The following TMC7 variants were observed in gnomAD, a reference collection of about 807,000 sequenced individuals.
TMC7 encodes transmembrane channel like 7.
In TMC7, 54 loss-of-function variants were observed where a neutral mutation model predicts 82.9. The observed-to-expected ratio is 0.65, with a 90% CI of 0.52 to 0.82. TMC7 has a LOEUF of 0.82. TMC7 is among the 40% of genes least tolerant of loss of function. The probability of loss-of-function intolerance (pLI) is 0.00; values close to 1 mark genes in which losing one functional copy is unlikely to be tolerated. For synonymous variants in TMC7, 350 were observed against 337.9 expected, an observed-to-expected ratio of 1.04 and a Z score of -0.39; for missense variants, 820 against 901.2, an observed-to-expected ratio of 0.91 and a Z score of 1.15.
Position 18,988,064 on chromosome 16 carries a change from C to G in TMC7, c.67+3934C>G, listed in dbSNP as rs201464488. On this transcript the variant is annotated intron_variant, in intron 1 of 15. Transcript: ENST00000304381. ...TCCTTCTGCAGTCTCAAACTCCTAG[C>G]CTTGATTGATCCTCCTGCCTTGGCC... 9.9e-5 allele frequency among the ~76,000 whole-genome samples: 15 copies of G among 152,148 alleles called. No homozygotes were observed. The East Asian group carries it at 2.9e-3, about 29-fold the overall frequency.
intron 3 of TMC7, among the ~76,000 whole-genome samples, chr16:19,021,382 A>G (rs530025095): frequency 6.6e-5 from 10 of 152,338 alleles, no homozygotes; most frequent in Admixed American, 6.5e-4. Flanking sequence ...TAAGGAAAAG[A>G]TAAATATTGA....
Position 19,016,563 on chromosome 16 carries a change from T to A in TMC7, c.425T>A (p.Leu142Gln), listed in dbSNP as rs375541654. The change falls in exon 3 of 16, where the codon CTG (leucine) becomes CAG (glutamine). Residue 142 changes from leucine (L) to glutamine (Q), a missense_variant. This residue lies in a region of TMC7 where 650 missense variants were observed against 669.9 expected (regional missense o/e 0.97). Coordinates refer to ENST00000304381, the MANE Select transcript of TMC7 (RefSeq NM_024847.4). The stretch of plus-strand genomic sequence containing the variant: ...AAGGCTCGAGAGATGACGACCCACC[T>A]GGAGCTGTGGCGGGAGGACATCCGC... ...LEKAREMTTH[L>Q]ELWREDIRSI... The A allele has an allele frequency of 1.1e-4, 184 of 1,613,922 alleles. No homozygotes were observed. Among genetic ancestry groups the A allele is most frequent in the Non-Finnish European group, 1.5e-4 (178 of 1,180,022 alleles).
At chr16:18,990,702 G>T (rs114285899) in intron 1 of TMC7, among the ~76,000 whole-genome samples, 1,530 of 152,226 alleles carry the variant, frequency 0.01, 28 homozygotes, top group African/African-American at 0.035. Flanking sequence ...ATGTTTTCGG[G>T]GCAGGAGGTG....
intron 3 of TMC7, 29 bp downstream of exon 3, chr16:19,016,627 C>A: frequency 1.2e-6 from 2 of 1,607,248 alleles, no homozygotes; most frequent in Non-Finnish European, 1.7e-6. Flanking sequence ...TCTGCAGGCT[C>A]CTCCGCAGAA....
intron 8 of TMC7, among the ~76,000 whole-genome samples, chr16:19,039,991 C>T (rs1960933859): frequency 6.6e-6 from 1 of 151,616 alleles, no homozygotes; most frequent in Non-Finnish European, 1.5e-5. Context: ...TGGGGGGTGC[C>T]TGTAGTCCCA....
At chr16:19,040,508 C>G in intron 9 of TMC7, 62 bp downstream of exon 9, 1 of 1,470,922 alleles carries the variant, frequency 6.8e-7, no homozygotes, top group Non-Finnish European at 9.3e-7. Context: ...CACTCTCTTG[C>G]CCATGGCAGA....
chr16:18,989,052 C>CAA (rs11351746), intron 1 of TMC7, among the ~76,000 whole-genome samples: 2 of 111,050 alleles, frequency 1.8e-5, no homozygotes, highest in Non-Finnish European at 1.9e-5. Context: ...GACTCTGTCT[C>CAA]AAAAAAAAAA....
At chr16:18,994,635 G>C (rs1411168664) in intron 1 of TMC7, among the ~76,000 whole-genome samples, 1 of 152,056 alleles carries the variant, frequency 6.6e-6, no homozygotes, top group African/African-American at 2.4e-5. Flanking sequence ...ATCTAGAACA[G>C]AATGGGTTGT....
chr16:19,059,648 G>T lies in TMC7; in HGVS notation c.2106+154G>T, dbSNP rs2142325710. The T allele has an allele frequency of 3.9e-6, 6 of 1,552,258 alleles. No individual in the cohort carries two copies. In the East Asian group the frequency reaches 1.4e-4, roughly 37 times the overall value. ...CTGCCTTGAGGCCCAGCCGCGTCCAGCTTCATTAATTCACTGATTCATCCA... is the reference window on the plus strand; with the variant it reads ...CTGCCTTGAGGCCCAGCCGCGTCCATCTTCATTAATTCACTGATTCATCCA... On this transcript the variant is annotated intron_variant, in intron 15 of 15. Transcript: ENST00000304381.
intron 1 of TMC7, among the ~76,000 whole-genome samples, chr16:19,007,082 C>T (rs2142164596): frequency 6.6e-6 from 1 of 152,028 alleles, no homozygotes. Flanking sequence ...GCCTCGGCCT[C>T]CCAAAATGCT....
At chr16:18,998,492 C>T (rs573810714) in intron 1 of TMC7, among the ~76,000 whole-genome samples, 5 of 152,272 alleles carry the variant, frequency 3.3e-5, no homozygotes, top group African/African-American at 9.6e-5. Flanking sequence ...CGGTGGCTCA[C>T]GCCTGTAATC....
chr16:19,035,880 G>A, intron 7 of TMC7, 57 bp downstream of exon 7: 3 of 1,516,826 alleles, frequency 2.0e-6, no homozygotes, highest in East Asian at 2.3e-5. Flanking sequence ...TCCTGCCTTT[G>A]GAGCCTGAGT....
rs1491412940 is a variant in TMC7, at chr16:19,063,671, T to TG, written c.*1828_*1829insG. 5 of 114,826 alleles carry TG rather than the reference T, an allele frequency of 4.4e-5. No individual in the cohort carries two copies. The highest frequency in any genetic ancestry group is 8.0e-5 in the African/African-American group (3 of 37,318). The allele number at this position is 114,826 out of a possible 1,614,324, so 7.1% of individuals were successfully genotyped here. ...GACTTGATGATATTCAAGTTTTCTATTTGTGTGTGTGTGTGTGTGTGTGTG... is the reference window on the plus strand; with the variant it reads ...GACTTGATGATATTCAAGTTTTCTATGTTGTGTGTGTGTGTGTGTGTGTGTG... On this transcript the variant is annotated 3_prime_UTR_variant, in exon 16 of 16. Coordinates refer to ENST00000304381, the MANE Select transcript of TMC7 (RefSeq NM_024847.4).
intron 2 of TMC7, among the ~76,000 whole-genome samples, chr16:19,010,035 C>T (rs1226152857): frequency 6.8e-6 from 1 of 146,768 alleles, no homozygotes; most frequent in East Asian, 2.0e-4. Flanking sequence ...CCCTCCCTCC[C>T]TCCTTTCTTT....
chr16:19,024,770 GC>G lies in TMC7; in HGVS notation c.711+1577del, dbSNP rs1277408013. Among the ~76,000 whole-genome samples the G allele has an allele frequency of 3.9e-5, 6 of 152,188 alleles. No individual in the cohort carries two copies. In the South Asian group the frequency reaches 1.0e-3, roughly 26 times the overall value. ...ACCTGTAATCCCAGCACTTTGGGAG[GC>G]CGAGGTGGGTGGGTCACAAGGTCAG... On this transcript the variant is annotated intron_variant, in intron 5 of 15. Transcript: ENST00000304381.
intron 1 of TMC7, among the ~76,000 whole-genome samples, chr16:19,005,703 G>A (rs2039227784): frequency 6.6e-6 from 1 of 152,154 alleles, no homozygotes; most frequent in African/African-American, 2.4e-5. Flanking sequence ...TTTGTTTGTG[G>A]CTAATAATAG....
intron 1 of TMC7, among the ~76,000 whole-genome samples, chr16:19,007,034 A>G (rs554271024): frequency 6.6e-6 from 1 of 150,548 alleles, no homozygotes; most frequent in Non-Finnish European, 1.5e-5. Context: ...CATGTTGGCC[A>G]GGCTGGTCTT....
chr16:19,036,822 T>A (rs929003363), intron 7 of TMC7, among the ~76,000 whole-genome samples: 2 of 151,736 alleles, frequency 1.3e-5, no homozygotes, highest in African/African-American at 2.4e-5. Context: ...AGGGGACAAA[T>A]AAATCAAAAG....
At chr16:19,008,811 T>C (rs1183793162) in intron 1 of TMC7, among the ~76,000 whole-genome samples, 2 of 152,164 alleles carry the variant, frequency 1.3e-5, no homozygotes, top group Non-Finnish European at 2.9e-5. Flanking sequence ...TGGGAGGAAG[T>C]TGGAGCAAAT....
Sources: gnomAD v4.1 joint callset for allele counts (sites outside exome capture counted in the v4.1 genomes callset) on GRCh38, gnomAD v4.1.1 for gene constraint, gnomAD v4.1.1 regional missense constraint, MANE v1.5 for transcripts, NCBI Gene and HGNC (gene_info 2026-07-23, HGNC 2026-07-21) for gene names.